Variants in GPR176 observed in about 807,000 individuals in gnomAD.
The protein encoded by GPR176 is G-protein coupled receptor 176.
A neutral mutation model predicts 35.4 loss-of-function variants in GPR176; 26 were observed. The ratio of observed to expected loss-of-function variants is 0.74; its 90% CI spans 0.54 to 1.02. The LOEUF is 1.02. Ranked by LOEUF, GPR176 falls within the 50% of genes least tolerant of loss-of-function variation. The pLI is 0.00. For synonymous variants in GPR176, 278 were observed against 271.3 expected (o/e 1.02, Z -0.24); for missense variants, 597 against 665.3 (o/e 0.90, Z 1.13).
At chr15:39,831,331 C>T (rs1354612807) in intron 1 of GPR176, among the ~76,000 whole-genome samples, 1 of 152,202 alleles carries the variant, frequency 6.6e-6, no homozygotes, top group Middle Eastern at 3.2e-3. Context: ...ATCTCAGCCA[C>T]ATCACAGCTT....
rs114441604 is a variant in GPR176 at position 39,908,659 on chromosome 15, C to T, written c.172+11196G>A. ...AATATCATCAGGATTCATTCTCTCC[C>T]CCTACTCCCTGTGTCTATATCTCAC... On this transcript the variant is annotated intron_variant, in intron 1 of 2. Transcript: ENST00000561100. 1.6e-3 allele frequency among the ~76,000 whole-genome samples: 240 copies of T among 152,132 alleles called. 1 individual carries two copies. Among genetic ancestry groups the T allele is most frequent in the African/African-American group, 5.3e-3 (220 of 41,498 alleles).
chr15:39,880,421 C>A (rs2032429222), intron 1 of GPR176, among the ~76,000 whole-genome samples: 1 of 152,148 alleles, frequency 6.6e-6, no homozygotes, highest in Non-Finnish European at 1.5e-5. Flanking sequence ...CTTAAACCTG[C>A]TTGTTAAAAG....
At chr15:39,837,830 T>C (rs933526078) in intron 1 of GPR176, among the ~76,000 whole-genome samples, 3 of 151,912 alleles carry the variant, frequency 2.0e-5, no homozygotes, top group African/African-American at 4.8e-5. Context: ...GAGTACAACA[T>C]AGTGCTTGGC....
chr15:39,870,379 C>T (rs899956898), intron 1 of GPR176, among the ~76,000 whole-genome samples: 1 of 152,206 alleles, frequency 6.6e-6, no homozygotes, highest in Non-Finnish European at 1.5e-5. Flanking sequence ...GCTATAGCAA[C>T]TCCATCCATT....
chr15:39,882,155 C>T (rs1051991201), intron 1 of GPR176, among the ~76,000 whole-genome samples: 2 of 152,116 alleles, frequency 1.3e-5, no homozygotes, highest in African/African-American at 4.8e-5. Flanking sequence ...AAGTTATATT[C>T]CTGAGACAAA....
At chr15:39,898,577 A>C (rs940260238) in intron 1 of GPR176, among the ~76,000 whole-genome samples, 1 of 152,156 alleles carries the variant, frequency 6.6e-6, no homozygotes, top group Admixed American at 6.5e-5. Context: ...ATGCAAGAAG[A>C]CTGGAAAGAG....
intron 1 of GPR176, among the ~76,000 whole-genome samples, chr15:39,889,666 G>C (rs2032799953): frequency 6.6e-6 from 1 of 152,118 alleles, no homozygotes; most frequent in Non-Finnish European, 1.5e-5. Context: ...TCCCAAATAT[G>C]AGAACGCTAG....
chr15:39,919,756 G>T (rs957958751), intron 1 of GPR176, 99 bp downstream of exon 1: 6 of 934,058 alleles, frequency 6.4e-6, no homozygotes, highest in African/African-American at 1.7e-5. Context: ...ACTTTGCCAG[G>T]CACCCGAAAC....
At chr15:39,811,752 T>TA (rs1899572961) in intron 1 of GPR176, among the ~76,000 whole-genome samples, 1 of 152,016 alleles carries the variant, frequency 6.6e-6, no homozygotes, top group Non-Finnish European at 1.5e-5. Flanking sequence ...CCGTCTCTAC[T>TA]AAAAATACAA....
chr15:39,825,520 T>G (rs1900578320), intron 1 of GPR176, among the ~76,000 whole-genome samples: 1 of 152,124 alleles, frequency 6.6e-6, no homozygotes, highest in Admixed American at 6.5e-5. Flanking sequence ...TTATTTTATA[T>G]ATATGCATTA....
intron 1 of GPR176, among the ~76,000 whole-genome samples, chr15:39,882,479 A>G (rs1458002927): frequency 6.6e-6 from 1 of 152,252 alleles, no homozygotes; most frequent in African/African-American, 2.4e-5. Flanking sequence ...CAAGAACCCA[A>G]TCTACGGAAG....
chr15:39,865,117 A>G (rs2031774971), intron 1 of GPR176, among the ~76,000 whole-genome samples: 1 of 152,168 alleles, frequency 6.6e-6, no homozygotes, highest in Non-Finnish European at 1.5e-5. Flanking sequence ...TTAAATGAGT[A>G]TAACCTCTAT....
intron 1 of GPR176, among the ~76,000 whole-genome samples, chr15:39,915,974 C>G (rs1824163744): frequency 6.6e-6 from 1 of 152,186 alleles, no homozygotes; most frequent in South Asian, 2.1e-4. Context: ...AAAGCAAATT[C>G]ATTTATAAAA....
intron 1 of GPR176, among the ~76,000 whole-genome samples, chr15:39,894,120 T>C (rs1294120361): frequency 1.2e-5 from 1 of 83,748 alleles, no homozygotes; most frequent in African/African-American, 4.8e-5. Flanking sequence ...ACGGGGCGGC[T>C]GGCCAGGCGG....
chr15:39,857,355 C>T (rs1031625874), intron 1 of GPR176, among the ~76,000 whole-genome samples: 1 of 152,092 alleles, frequency 6.6e-6, no homozygotes, highest in Admixed American at 6.6e-5. Context: ...ATCACTGAGC[C>T]TGAAAGAAAA....
At chr15:39,870,240 T>C (rs955284528) in intron 1 of GPR176, among the ~76,000 whole-genome samples, 1 of 152,128 alleles carries the variant, frequency 6.6e-6, no homozygotes, top group African/African-American at 2.4e-5. Context: ...ACCCAGATAA[T>C]CCAGGAAAAT....
chr15:39,914,522 C>T (rs557070081), intron 1 of GPR176, among the ~76,000 whole-genome samples: 9 of 152,162 alleles, frequency 5.9e-5, no homozygotes, highest in Non-Finnish European at 1.0e-4. Flanking sequence ...ACCATGTTGG[C>T]CAGGCTGGTC....
intron 1 of GPR176, among the ~76,000 whole-genome samples, chr15:39,892,731 G>C (rs769301974): frequency 1.3e-5 from 2 of 152,232 alleles, no homozygotes; most frequent in Non-Finnish European, 2.9e-5. Flanking sequence ...GCAGGCAGCC[G>C]CCAAAAGCTA....
intron 1 of GPR176, among the ~76,000 whole-genome samples, chr15:39,904,161 T>G (rs537008190): frequency 1.3e-5 from 2 of 152,254 alleles, no homozygotes; most frequent in South Asian, 4.2e-4. Flanking sequence ...TTGGCTGGCT[T>G]TTTTACTGCA....
Sources: gnomAD v4.1 joint callset for allele counts (sites outside exome capture counted in the v4.1 genomes callset) on GRCh38, gnomAD v4.1.1 for gene constraint, MANE v1.5 for transcripts, NCBI Gene and HGNC (gene_info 2026-07-23, HGNC 2026-07-21) for gene names.